TMEM71: variants seen among roughly 807,000 people sequenced by gnomAD.
The protein encoded by TMEM71 is transmembrane protein 71.
In TMEM71, 44 loss-of-function variants were observed where a neutral mutation model predicts 38.0. The ratio of observed to expected loss-of-function variants is 1.16; its 90% CI spans 0.91 to 1.49. TMEM71 has a LOEUF of 1.49. Ranked by LOEUF, TMEM71 falls within the 40% of genes most tolerant of loss-of-function variation. The pLI, the probability that TMEM71 is intolerant of heterozygous loss-of-function variation, is 0.00. For synonymous variants in TMEM71, 133 were observed against 122.5 expected (o/e 1.09, Z -0.56); for missense variants, 367 against 348.6 (o/e 1.05, Z -0.42).
At chr8:132,775,207 C>T in the TMEM71 span, among the ~76,000 whole-genome samples, 1 of 151,734 alleles carries the variant, frequency 6.6e-6, no homozygotes. Flanking sequence ...GCGTTCTTTC[C>T]TCCAGTAACC....
intron 6 of TMEM71, among the ~76,000 whole-genome samples, chr8:132,724,736 G>T: frequency 1.3e-5 from 2 of 152,272 alleles, no homozygotes; most frequent in South Asian, 4.1e-4. Flanking sequence ...AATTATGAAA[G>T]CATTATTAGA....
chr8:132,750,822 T>C (rs1021663704), intron 4 of TMEM71, among the ~76,000 whole-genome samples: 3 of 152,200 alleles, frequency 2.0e-5, no homozygotes, highest in Admixed American at 6.5e-5. Context: ...ATACATCCAG[T>C]TGACAGAACC....
At chr8:132,715,762 A>G (rs1411073070) in intron 7 of TMEM71, among the ~76,000 whole-genome samples, 3 of 152,236 alleles carry the variant, frequency 2.0e-5, no homozygotes, top group African/African-American at 7.2e-5. Flanking sequence ...AAAAGGAATG[A>G]GCTAATTGTA....
At chr8:132,735,049 G>A (rs1056650979) in intron 5 of TMEM71, among the ~76,000 whole-genome samples, 2 of 152,168 alleles carry the variant, frequency 1.3e-5, no homozygotes, top group African/African-American at 4.8e-5. Context: ...TGACTTGCCT[G>A]GAGTCAGCCT....
At chr8:132,723,991 C>T (rs992698881) in intron 6 of TMEM71, among the ~76,000 whole-genome samples, 5 of 152,030 alleles carry the variant, frequency 3.3e-5, no homozygotes, top group African/African-American at 7.3e-5. Flanking sequence ...CCACCTGAGC[C>T]GTAAAACCAG....
downstream of TMEM71, among the ~76,000 whole-genome samples, chr8:132,706,005 T>C (rs756382139): frequency 6.6e-6 from 1 of 152,080 alleles, no homozygotes; most frequent in Non-Finnish European, 1.5e-5. Flanking sequence ...GGGTCCTCCA[T>C]GAATGGGGTT....
upstream of TMEM71, chr8:132,760,618 C>T (rs1252754528): frequency 1.3e-5 from 2 of 152,262 alleles, no homozygotes; most frequent in East Asian, 1.9e-4. Context: ...TACAACTTCT[C>T]TTGTTTTCTT....
intron 5 of TMEM71, among the ~76,000 whole-genome samples, chr8:132,730,440 T>C (rs2131075684): frequency 6.6e-6 from 1 of 152,306 alleles, no homozygotes; most frequent in African/African-American, 2.4e-5. Flanking sequence ...TCTAAAATTA[T>C]AAATTATGCA....
chr8:132,732,859 C>T (rs1445696598), intron 5 of TMEM71, among the ~76,000 whole-genome samples: 2 of 152,142 alleles, frequency 1.3e-5, no homozygotes, highest in African/African-American at 2.4e-5. Context: ...CTATTAAACA[C>T]CCAACAGTGC....
chr8:132,709,776 C>A (rs958083979), downstream of TMEM71, among the ~76,000 whole-genome samples: 1 of 152,036 alleles, frequency 6.6e-6, no homozygotes, highest in Non-Finnish European at 1.5e-5. Flanking sequence ...GACTTCTGAG[C>A]TCCAGAACTG....
intron 5 of TMEM71, among the ~76,000 whole-genome samples, chr8:132,729,828 G>A (rs1827352340): frequency 6.6e-6 from 1 of 152,186 alleles, no homozygotes; most frequent in Non-Finnish European, 1.5e-5. Flanking sequence ...TCAATGAAAG[G>A]ATGGCTAAGA....
chr8:132,736,398 T>C (rs753038350), intron 5 of TMEM71, among the ~76,000 whole-genome samples: 1 of 151,842 alleles, frequency 6.6e-6, no homozygotes, highest in Non-Finnish European at 1.5e-5. Context: ...CAGAAAATCA[T>C]GAGTGGGTGG....
intron 5 of TMEM71, among the ~76,000 whole-genome samples, chr8:132,739,078 T>G (rs1259037051): frequency 6.6e-6 from 1 of 152,218 alleles, no homozygotes; most frequent in African/African-American, 2.4e-5. Flanking sequence ...ATGTTACGTG[T>G]GTCTTCTGTC....
chr8:132,755,475 C>T (rs1191413984), intron 3 of TMEM71, among the ~76,000 whole-genome samples: 1 of 152,130 alleles, frequency 6.6e-6, no homozygotes, highest in Non-Finnish European at 1.5e-5. Flanking sequence ...AGCAACAAGC[C>T]CAACTGCCCA....
At chr8:132,744,940 T>C (rs1412436876) in intron 5 of TMEM71, among the ~76,000 whole-genome samples, 3 of 152,230 alleles carry the variant, frequency 2.0e-5, no homozygotes, top group African/African-American at 7.2e-5. Flanking sequence ...AAGGACTCTC[T>C]ATCCAATAAA....
intron 4 of TMEM71, among the ~76,000 whole-genome samples, chr8:132,750,790 G>A (rs1460187085): frequency 1.3e-5 from 2 of 152,134 alleles, no homozygotes; most frequent in African/African-American, 4.8e-5. Context: ...CTTTCTTTCT[G>A]ATCTTGGTAA....
chr8:132,775,406 A>AGGCGGAGGC, the TMEM71 span: 1 of 381,230 alleles, frequency 2.6e-6, no homozygotes, highest in Non-Finnish European at 4.6e-6. Flanking sequence ...CCGGCGGCGG[A>AGGCGGAGGC]GGCGGCGGCG....
Position 132,723,856 on chromosome 8 carries a change from C to T in TMEM71, c.677-1741G>A, listed in dbSNP as rs116521067. On this transcript the variant is annotated intron_variant, in intron 6 of 9. Coordinates refer to ENST00000677595, the MANE Select transcript of TMEM71 (RefSeq NM_001382403.1). ...GGGGAACCCACCCCCAACATTTCAA[C>T]GTAGGTTCTCCCTATTTTCCCTAAG... Among the ~76,000 whole-genome samples, 607 of 152,266 alleles carry T rather than the reference C, an allele frequency of 4.0e-3. 7 individuals carry two copies. The highest frequency in any genetic ancestry group is 0.014 in the African/African-American group (585 of 41,544).
chr8:132,728,519 G>A (rs1453063451), intron 5 of TMEM71, among the ~76,000 whole-genome samples: 5 of 152,210 alleles, frequency 3.3e-5, no homozygotes, highest in Non-Finnish European at 5.9e-5. Flanking sequence ...AGATTTGGGT[G>A]AGGACACAGG....
Sources: gnomAD v4.1 joint callset for allele counts (sites outside exome capture counted in the v4.1 genomes callset) on GRCh38, gnomAD v4.1.1 for gene constraint, MANE v1.5 for transcripts, NCBI Gene and HGNC (gene_info 2026-07-23, HGNC 2026-07-21) for gene names.